Variants in SPRING1 observed in about 807,000 individuals in gnomAD.
SPRING1 encodes SREBF pathway regulator in golgi 1, also known as SREBP regulating gene protein.
Under a neutral mutation model 24.7 loss-of-function variants are expected in SPRING1, and 14 were observed. The observed-to-expected ratio is 0.57, with a 90% CI of 0.37 to 0.88. SPRING1 has a LOEUF of 0.88. SPRING1 is among the 40% of genes least tolerant of loss of function. SPRING1 has a pLI of 0.00. For synonymous variants in SPRING1, 93 were observed against 106.1 expected, an observed-to-expected ratio of 0.88 and a Z score of 0.76; for missense variants, 255 against 268.4, an observed-to-expected ratio of 0.95 and a Z score of 0.35.
In SPRING1 at chr12:116,717,762, C is replaced by G; in HGVS notation, c.*48G>C. ...GAAGCTGGGTCCCAGGAGGCGAGTTCTTCAGCGGGGCCTCCTCACCCAGGC... is the reference window on the plus strand; with the variant it reads ...GAAGCTGGGTCCCAGGAGGCGAGTTGTTCAGCGGGGCCTCCTCACCCAGGC... On this transcript the variant is annotated 3_prime_UTR_variant, in exon 5 of 5. Coordinates refer to ENST00000261318, the MANE Select transcript of SPRING1 (RefSeq NM_024738.4). The surrounding 1 kb of genome is among the most constrained non-coding windows in gnomAD (Gnocchi z 4.2). 6.7e-7 allele frequency: 1 copy of G among 1,500,902 alleles called. No homozygotes were observed. Among genetic ancestry groups the G allele is most frequent in the Non-Finnish European group, 9.0e-7 (1 of 1,111,752 alleles). The allele number at this position is 1,500,902 out of a possible 1,614,324, so 93.0% of individuals were successfully genotyped here. A position where few individuals can be genotyped will look rare whatever the true frequency, so the allele number is the denominator to read the frequency against.
In SPRING1 at chr12:116,729,482, C is replaced by T. The variant is rs575853813; in HGVS notation, c.112-6259G>A. Among the ~76,000 whole-genome samples the T allele has an allele frequency of 3.3e-5, 5 of 152,260 alleles. No individual in the cohort carries two copies. In the East Asian group the frequency reaches 9.6e-4, roughly 29 times the overall value. On this transcript the variant is annotated intron_variant, in intron 1 of 4. Transcript: ENST00000261318. Reference sequence around the variant, plus strand: ...AGTAATGCCACTCCTAGGAATATACCAAGAGAAATTAAAACATGTCCACAT... The same window carrying T: ...AGTAATGCCACTCCTAGGAATATACTAAGAGAAATTAAAACATGTCCACAT...
intron 1 of SPRING1, among the ~76,000 whole-genome samples, chr12:116,732,642 G>A (rs1202415194): frequency 2.0e-5 from 3 of 152,194 alleles, no homozygotes; most frequent in East Asian, 1.9e-4. Flanking sequence ...GGGATGAGGC[G>A]GTTGCAGTGA....
chr12:116,725,667 C>G (rs998014755), intron 1 of SPRING1, among the ~76,000 whole-genome samples: 2 of 152,140 alleles, frequency 1.3e-5, no homozygotes, highest in Admixed American at 6.6e-5. Context: ...GGGCGGATCA[C>G]GAGTTCAGAA....
chr12:116,717,999 G>A lies in SPRING1; in HGVS notation c.535-106C>T. On this transcript the variant is annotated intron_variant, in intron 4 of 4. Transcript: ENST00000261318. The surrounding 1 kb of genome is among the most constrained non-coding windows in gnomAD (Gnocchi z 4.2). ...TCGGGACTGTCAGACTCTCCCTGCA[G>A]GGGGCTGGCCGAGTCCATCTCCAAA... 1.0e-6 allele frequency: 1 copy of A among 954,624 alleles called. No individual in the cohort carries two copies. Among genetic ancestry groups the A allele is most frequent in the Non-Finnish European group, 1.5e-6 (1 of 677,386 alleles). 59.1% of individuals were successfully genotyped at this position (954,624 alleles called of 1,614,324 possible). A position where few individuals can be genotyped will look rare whatever the true frequency, so the allele number is the denominator to read the frequency against.
rs1424406035 is a variant in SPRING1, at chr12:116,717,004, G to T, written c.*806C>A. On this transcript the variant is annotated 3_prime_UTR_variant, in exon 5 of 5. Transcript: ENST00000261318. This position sits in a 1 kb window ranked among gnomAD's most constrained non-coding sequence, Gnocchi z 4.2. ...ATGAGAACAAATTCCTCCAGGAAGA[G>T]AAATTAGATTTCTGCTAAAACAGTG... is the stretch of plus-strand genomic sequence containing the variant. The T allele has an allele frequency of 3.3e-5, 5 of 152,196 alleles. No homozygotes were observed. The highest frequency in any genetic ancestry group is 9.7e-5 in the African/African-American group (4 of 41,448). 9.4% of individuals were successfully genotyped at this position (152,196 alleles called of 1,614,324 possible). A position where few individuals can be genotyped will look rare whatever the true frequency, so the allele number is the denominator to read the frequency against.
intron 1 of SPRING1, among the ~76,000 whole-genome samples, chr12:116,731,985 C>A (rs536392772): frequency 1.1e-4 from 17 of 152,278 alleles, no homozygotes; most frequent in Non-Finnish European, 1.8e-4. Context: ...GGCCACACAG[C>A]CACCCTCCTT....
chr12:116,729,410 G>A lies in SPRING1; in HGVS notation c.112-6187C>T, dbSNP rs1264613994. Among the ~76,000 whole-genome samples, 3 of 152,272 alleles carry A rather than the reference G, an allele frequency of 2.0e-5. No homozygotes were observed. The East Asian group carries it at 5.8e-4, about 29-fold the overall frequency. On this transcript the variant is annotated intron_variant, in intron 1 of 4. Coordinates refer to ENST00000261318, the MANE Select transcript of SPRING1 (RefSeq NM_024738.4). Reference sequence around the variant, plus strand: ...CACAGTGCAGCCAGTTTGGAAAACAGTTGTGCAGTTCCTCAAAAAGTTTAA... The same window carrying A: ...CACAGTGCAGCCAGTTTGGAAAACAATTGTGCAGTTCCTCAAAAAGTTTAA...
In SPRING1 at chr12:116,723,061, C is replaced by T; in HGVS notation, c.268+6G>A. The stretch of plus-strand genomic sequence containing the variant: ...CCGCCTGGAGAGGAAGGGAAGCCAG[C>T]CTCACCGAGTTCATCCGTGATGAGG... On this transcript the variant is annotated splice_donor_region_variant and intron_variant, in intron 2 of 4. Coordinates refer to ENST00000261318, the MANE Select transcript of SPRING1 (RefSeq NM_024738.4). 1 of 1,612,296 alleles carries T rather than the reference C, an allele frequency of 6.2e-7. No individual in the cohort carries two copies. The highest frequency in any genetic ancestry group is 8.5e-7 in the Non-Finnish European group (1 of 1,180,010).
Position 116,716,117 on chromosome 12 carries a change from T to C in SPRING1, c.*1693A>G, listed in dbSNP as rs1032935650. 1 of 152,154 alleles carries C rather than the reference T, an allele frequency of 6.6e-6. No homozygotes were observed. Among genetic ancestry groups the C allele is most frequent in the Non-Finnish European group, 1.5e-5 (1 of 68,034 alleles). 9.4% of individuals were successfully genotyped at this position (152,154 alleles called of 1,614,324 possible). On this transcript the variant is annotated 3_prime_UTR_variant, in exon 5 of 5. Coordinates refer to ENST00000261318, the MANE Select transcript of SPRING1 (RefSeq NM_024738.4). ...CACAATCCGGCACATCAGAGTTCGA[T>C]GTAGTCCTGCTGCAAACACATGGAA... is the stretch of plus-strand genomic sequence containing the variant.
At chr12:116,733,109 A>C (rs1275264464) in intron 1 of SPRING1, among the ~76,000 whole-genome samples, 2 of 152,206 alleles carry the variant, frequency 1.3e-5, no homozygotes, top group African/African-American at 4.8e-5. Flanking sequence ...ACACAGAAGA[A>C]GGCAGGATGT....
rs1425278780 is a variant in SPRING1 at position 116,716,642 on chromosome 12, A to G, written c.*1168T>C. On this transcript the variant is annotated 3_prime_UTR_variant, in exon 5 of 5. Transcript: ENST00000261318. Reference sequence around the variant, plus strand: ...TGGATTCAGGACACACCAGCAACCTACACGTGTAGCATTCTCTAAGTCATA... The same window carrying G: ...TGGATTCAGGACACACCAGCAACCTGCACGTGTAGCATTCTCTAAGTCATA... 6.6e-6 allele frequency: 1 copy of G among 152,580 alleles called. No individual in the cohort carries two copies. The highest frequency in any genetic ancestry group is 1.5e-5 in the Non-Finnish European group (1 of 68,034). The allele number at this position is 152,580 out of a possible 1,614,324, so 9.5% of individuals were successfully genotyped here. A position where few individuals can be genotyped will look rare whatever the true frequency, so the allele number is the denominator to read the frequency against.
intron 1 of SPRING1, among the ~76,000 whole-genome samples, chr12:116,731,181 T>C (rs540837953): frequency 3.3e-5 from 5 of 152,354 alleles, no homozygotes; most frequent in Admixed American, 1.3e-4. Context: ...GTGAAATTAG[T>C]ACTTTTTAAA....
rs765456650 is a variant in SPRING1 at position 116,736,193 on chromosome 12, C to G, written c.111+1597G>C. Among the ~76,000 whole-genome samples the G allele has an allele frequency of 2.7e-5, 4 of 150,936 alleles. No individual in the cohort carries two copies. In the South Asian group the frequency reaches 6.3e-4, roughly 24 times the overall value. Reference sequence around the variant, plus strand: ...GACAGATCTAGGCTGTTGTTATCAACTACTGGCATCAACAGCATACCTCCA... The same window carrying G: ...GACAGATCTAGGCTGTTGTTATCAAGTACTGGCATCAACAGCATACCTCCA... On this transcript the variant is annotated intron_variant, in intron 1 of 4. Transcript: ENST00000261318.
rs779376222 is a variant in SPRING1, at chr12:116,733,449, C to T, written c.111+4341G>A. 8.8e-5 allele frequency among the ~76,000 whole-genome samples: 13 copies of T among 147,132 alleles called. 3 individuals are homozygous for T. The highest frequency in any genetic ancestry group is 2.1e-4 in the African/African-American group (8 of 37,708). ...TGCCCACCTCGGCCCTCCCAAAGTG[C>T]TGGGAATTACAGGCGTGAGCCACTG... On this transcript the variant is annotated intron_variant, in intron 1 of 4. Coordinates refer to ENST00000261318, the MANE Select transcript of SPRING1 (RefSeq NM_024738.4).
In SPRING1 at chr12:116,738,026, A is replaced by T. The variant is rs1223310531; in HGVS notation, c.-126T>A. 9.1e-7 allele frequency: 1 copy of T among 1,103,874 alleles called. No individual in the cohort carries two copies. The highest frequency in any genetic ancestry group is 1.1e-6 in the Non-Finnish European group (1 of 905,904). The allele number at this position is 1,103,874 out of a possible 1,614,324, so 68.4% of individuals were successfully genotyped here. On this transcript the variant is annotated 5_prime_UTR_variant, in exon 1 of 5. Transcript: ENST00000261318. ...GGCAGGCGCCGGCCCCGCCGCCCGC[A>T]GCCCAGTCTGCTCCCGGCAGCCTTG...
chr12:116,723,953 C>T (rs1870561803), intron 1 of SPRING1, among the ~76,000 whole-genome samples: 1 of 152,068 alleles, frequency 6.6e-6, no homozygotes, highest in African/African-American at 2.4e-5. Context: ...ACAAAACTGC[C>T]TTTTCTATAC....
rs1042708068 is a variant in SPRING1, at chr12:116,713,241, C to T, written c.*4569G>A. 2 of 152,194 alleles carry T rather than the reference C, an allele frequency of 1.3e-5. No homozygotes were observed. Among genetic ancestry groups the T allele is most frequent in the Non-Finnish European group, 2.9e-5 (2 of 68,034 alleles). The allele number at this position is 152,194 out of a possible 1,614,324, so 9.4% of individuals were successfully genotyped here. The stretch of plus-strand genomic sequence containing the variant: ...GTTGAGCACCACTGCCCTAGATGAA[C>T]TGGAAAAGTTGGTTTGTGAATATGT... On this transcript the variant is annotated 3_prime_UTR_variant, in exon 5 of 5. Coordinates refer to ENST00000261318, the MANE Select transcript of SPRING1 (RefSeq NM_024738.4).
chr12:116,723,486 GTATAAAAGTGT>G (rs1367313677), intron 1 of SPRING1, among the ~76,000 whole-genome samples: 3 of 152,190 alleles, frequency 2.0e-5, no homozygotes, highest in Non-Finnish European at 4.4e-5. Context: ...TCATAAATGT[GTATAAAAGTGT>G]TAATTTTATG....
intron 1 of SPRING1, among the ~76,000 whole-genome samples, chr12:116,729,097 A>T (rs754638789): frequency 2.4e-4 from 37 of 152,350 alleles, no homozygotes; most frequent in South Asian, 4.1e-4. Flanking sequence ...CACTTAAAAA[A>T]ATAGTAAGGA....
Sources: gnomAD v4.1 joint callset for allele counts (sites outside exome capture counted in the v4.1 genomes callset) on GRCh38, gnomAD v4.1.1 for gene constraint, Gnocchi (gnomAD v3.1) non-coding constraint, MANE v1.5 for transcripts, NCBI Gene and HGNC (gene_info 2026-07-23, HGNC 2026-07-21) for gene names.